BAG1: variants seen among roughly 807,000 people sequenced by gnomAD.
BAG1 encodes the protein BAG cochaperone 1, also known as BAG family molecular chaperone regulator 1.
A neutral mutation model predicts 35.5 loss-of-function variants in BAG1; 35 were observed. That is an observed-to-expected ratio of 0.99 (90% CI 0.75 to 1.31). The LOEUF (loss-of-function observed/expected upper bound fraction) is 1.31, where lower values mean the gene tolerates loss of function less well. Among genes scored for constraint, BAG1 ranks in the 50% most tolerant of loss-of-function variants. The pLI, the probability that BAG1 is intolerant of heterozygous loss-of-function variation, is 0.00. For synonymous variants in BAG1, 191 were observed against 178.9 expected (o/e 1.07, Z -0.54); for missense variants, 464 against 453.6 (o/e 1.02, Z -0.21).
intron 2 of BAG1, chr9:33,261,896 G>A: frequency 1.0e-6 from 1 of 985,390 alleles, no homozygotes; most frequent in South Asian, 4.7e-5. Flanking sequence ...CCAGGCCTCA[G>A]GTAAGTTTGC....
At position 33,264,475 on chromosome 9, in the gene BAG1, G is replaced by T; in HGVS notation, c.200C>A (p.Ala67Asp). 3 of 1,611,984 alleles carry T rather than the reference G, an allele frequency of 1.9e-6. No homozygotes were observed. Among genetic ancestry groups the T allele is most frequent in the Non-Finnish European group, 2.5e-6 (3 of 1,179,400 alleles). ...TTTCTTCTTCATCCGCGGCCTGCGA[G>T]CGCCGGCGGCGGCGCCCCTGGTGGG... The change falls in exon 1 of 7, where the codon GCT becomes GAT. Residue 67 changes from alanine to aspartate, a missense_variant. Physicochemically the swap from Ala to Asp is moderately radical, Grantham distance 126. Transcript: ENST00000634734.
chr9:33,254,761 C>T lies in BAG1; in HGVS notation c.*458G>A, dbSNP rs560015935. 4.5e-4 allele frequency: 143 copies of T among 319,912 alleles called. 2 individuals are homozygous for T. The highest frequency in any genetic ancestry group is 2.8e-3 in the South Asian group (106 of 37,782). The allele number at this position is 319,912 out of a possible 1,614,324, so 19.8% of individuals were successfully genotyped here. On this transcript the variant is annotated 3_prime_UTR_variant, in exon 7 of 7. Transcript: ENST00000634734. Reference sequence around the variant, plus strand: ...ATGTGCCAAACACCTTGTTCTAGGCCATTCCCAATATTCCTGACTAGGTGC... The same window carrying T: ...ATGTGCCAAACACCTTGTTCTAGGCTATTCCCAATATTCCTGACTAGGTGC...
At position 33,264,367 on chromosome 9, in the gene BAG1, T is replaced by C. The variant is rs765379810; in HGVS notation, c.308A>G (p.Glu103Gly). 6.2e-7 allele frequency: 1 copy of C among 1,610,610 alleles called. No individual in the cohort carries two copies. The highest frequency in any genetic ancestry group is 8.5e-7 in the Non-Finnish European group (1 of 1,178,956). ...GGTCGCCTCCTCACTCTGGGTCGCC[T>C]CTTCACTCCAGGTCGCTTCCTCACT... The change falls in exon 1 of 7, where the codon GAG becomes GGG. Residue 103 changes from glutamate to glycine, a missense_variant. By Grantham distance (98) the Glu-to-Gly change is moderately conservative. Transcript: ENST00000634734.
In BAG1 at chr9:33,264,569, G is replaced by C; in HGVS notation, c.106C>G (p.Pro36Ala). 1 of 1,432,040 alleles carries C rather than the reference G, an allele frequency of 7.0e-7. No homozygotes were observed. The highest frequency in any genetic ancestry group is 9.1e-7 in the Non-Finnish European group (1 of 1,101,766). 88.7% of individuals were successfully genotyped at this position (1,432,040 alleles called of 1,614,324 possible). ...GAGGGAGGCGGACCACGCTGGGCCG[G>C]GGGCTCCGACTGGCGCGGCTCCCGG... is the stretch of plus-strand genomic sequence containing the variant. Residue 36 changes from proline to alanine, a missense_variant, in exon 1 of 7, where the codon CCG becomes GCG. Transcript: ENST00000634734.
chr9:33,261,087 C>A lies in BAG1; in HGVS notation c.663G>T (p.Lys221Asn). The A allele has an allele frequency of 1.2e-6, 2 of 1,601,654 alleles. No individual in the cohort carries two copies. Among genetic ancestry groups the A allele is most frequent in the Non-Finnish European group, 1.7e-6 (2 of 1,173,622 alleles). Residue 221 changes from lysine to asparagine, a missense_variant and splice_region_variant, in exon 3 of 7, where the codon AAG (lysine) becomes AAT (asparagine). Lys to Asn is a moderately conservative substitution (Grantham distance 94). Transcript: ENST00000634734. ...ATTTCTGATGGAAAAAGCAATTTAC[C>A]TTTTTCCCAATTAACATGACCCGGC... is the stretch of plus-strand genomic sequence containing the variant.
At chr9:33,260,269 A>AC (rs1820540929) in intron 3 of BAG1, 1 of 152,256 alleles carries the variant, frequency 6.6e-6, no homozygotes, top group South Asian at 2.1e-4. Context: ...GTTGCCCATC[A>AC]CCATTCTCCC....
chr9:33,262,718 C>T lies in BAG1; in HGVS notation c.564G>A (p.Gln188=), dbSNP rs1820602382. 1.2e-6 allele frequency: 2 copies of T among 1,601,844 alleles called. No homozygotes were observed. The highest frequency in any genetic ancestry group is 1.1e-5 in the South Asian group (1 of 87,836). ...AATGCTTACCCTTAAATATGAGTTT[C>T]TGAAAAGACTGTGGAACCCCTATGA... The change falls in exon 2 of 7, where the codon CAG becomes CAA. Residue 188 remains glutamine, a synonymous_variant. Coordinates refer to ENST00000634734, the MANE Select transcript of BAG1 (RefSeq NM_004323.6).
At chr9:33,256,289 C>T (rs888642217) in intron 5 of BAG1, among the ~76,000 whole-genome samples, 1 of 152,164 alleles carries the variant, frequency 6.6e-6, no homozygotes, top group Admixed American at 6.5e-5. Flanking sequence ...TTCTTTACAC[C>T]CACCCTGGCC....
At chr9:33,261,932 A>G in intron 2 of BAG1, 1 of 985,446 alleles carries the variant, frequency 1.0e-6, no homozygotes, top group Non-Finnish European at 1.2e-6. Flanking sequence ...AGTCAGAACA[A>G]TGGGAGGCAC....
chr9:33,254,848 C>A lies in BAG1; in HGVS notation c.*371G>T. ...TACACGATCACAAGAGCAAAGAAGC[C>A]CTCATGTATCTGAAGACTGAGGGGG... is the stretch of plus-strand genomic sequence containing the variant. On this transcript the variant is annotated 3_prime_UTR_variant, in exon 7 of 7. Coordinates refer to ENST00000634734, the MANE Select transcript of BAG1 (RefSeq NM_004323.6). 2.5e-6 allele frequency: 1 copy of A among 405,256 alleles called. No individual in the cohort carries two copies. Among genetic ancestry groups the A allele is most frequent in the South Asian group, 2.1e-5 (1 of 46,790 alleles). The allele number at this position is 405,256 out of a possible 1,614,324, so 25.1% of individuals were successfully genotyped here. A position where few individuals can be genotyped will look rare whatever the true frequency, so the allele number is the denominator to read the frequency against.
intron 1 of BAG1, among the ~76,000 whole-genome samples, chr9:33,263,592 A>AG (rs2117981420): frequency 2.3e-3 from 1 of 430 alleles, no homozygotes; most frequent in Admixed American, 0.062. Context: ...GGATTCTTAG[A>AG]AGAAGCCGTC....
chr9:33,257,507 C>T (rs1044781660), intron 4 of BAG1: 4 of 152,206 alleles, frequency 2.6e-5, no homozygotes, highest in African/African-American at 9.7e-5. Context: ...AGTTGGATAG[C>T]AGGGATCTCT....
intron 4 of BAG1, among the ~76,000 whole-genome samples, chr9:33,258,281 A>G (rs1389259100): frequency 7.1e-6 from 1 of 141,766 alleles, no homozygotes; most frequent in Non-Finnish European, 1.5e-5. Flanking sequence ...CCTGGGTGAC[A>G]GAGCGAGACT....
At position 33,253,177 on chromosome 9, in the gene BAG1, G is replaced by C. The variant is rs1230185833; in HGVS notation, c.*2042C>G. 6.6e-6 allele frequency: 1 copy of C among 152,228 alleles called. No homozygotes were observed. Among genetic ancestry groups the C allele is most frequent in the Non-Finnish European group, 1.5e-5 (1 of 68,150 alleles). 9.4% of individuals were successfully genotyped at this position (152,228 alleles called of 1,614,324 possible). Reference sequence around the variant, plus strand: ...AGAGGAAGTGGGAGCTAGAGGGAGAGGCAGAGGACAAGAGGAAAAAAATCA... The same window carrying C: ...AGAGGAAGTGGGAGCTAGAGGGAGACGCAGAGGACAAGAGGAAAAAAATCA... On this transcript the variant is annotated 3_prime_UTR_variant, in exon 7 of 7. Coordinates refer to ENST00000634734, the MANE Select transcript of BAG1 (RefSeq NM_004323.6).
intron 3 of BAG1, 134 bp from the exon 4 acceptor site, chr9:33,259,167 C>G (rs553786596): frequency 6.8e-4 from 418 of 610,560 alleles, no homozygotes; most frequent in Non-Finnish European, 8.1e-4. Flanking sequence ...TCAAGACCAG[C>G]CTGGCCAACA....
chr9:33,263,971 C>T (rs1820641629), intron 1 of BAG1, among the ~76,000 whole-genome samples: 1 of 152,136 alleles, frequency 6.6e-6, no homozygotes, highest in African/African-American at 2.4e-5. Flanking sequence ...AGGCCCACGA[C>T]GTAAAGCACG....
Position 33,264,224 on chromosome 9 carries a change from T to G in BAG1, c.451A>C (p.Ser151Arg), listed in dbSNP as rs369119626. 1.7e-5 allele frequency: 27 copies of G among 1,603,542 alleles called. No individual in the cohort carries two copies. Among genetic ancestry groups the G allele is most frequent in the African/African-American group, 2.7e-5 (2 of 74,632 alleles). The change falls in exon 1 of 7, where the codon AGC becomes CGC. Residue 151 changes from serine to arginine, a missense_variant and splice_region_variant. Coordinates refer to ENST00000634734, the MANE Select transcript of BAG1 (RefSeq NM_004323.6). ...AGCCCACCTGGCGCCCGACACTCAC[T>G]GTGGGTGACAGTCACGGTGAGCCCA...
At chr9:33,260,959 G>C (rs1820555911) in intron 3 of BAG1, 128 bp downstream of exon 3, 1 of 640,224 alleles carries the variant, frequency 1.6e-6, no homozygotes, top group African/African-American at 1.9e-5. Flanking sequence ...AATAAAGATT[G>C]TATTTGTTTA....
In BAG1 at chr9:33,264,256, G is replaced by T; in HGVS notation, c.419C>A (p.Ala140Glu). The stretch of plus-strand genomic sequence containing the variant: ...GACAGTCACGGTGAGCCCAGCTGCC[G>T]CCATTTCCTCCCTGGTCACCTCCTC... Residue 140 changes from alanine to glutamate, a missense_variant, in exon 1 of 7, where the codon GCG (alanine) becomes GAG (glutamate). By Grantham distance (107) the Ala-to-Glu change is moderately radical. Transcript: ENST00000634734. The T allele has an allele frequency of 6.2e-7, 1 of 1,612,376 alleles. No individual in the cohort carries two copies. Among genetic ancestry groups the T allele is most frequent in the Non-Finnish European group, 8.5e-7 (1 of 1,179,526 alleles).
Sources: gnomAD v4.1 joint callset for allele counts (sites outside exome capture counted in the v4.1 genomes callset) on GRCh38, gnomAD v4.1.1 for gene constraint, MANE v1.5 for transcripts, NCBI Gene and HGNC (gene_info 2026-07-23, HGNC 2026-07-21) for gene names.